The following APLP2 variants were observed in gnomAD, a reference collection of about 807,000 sequenced individuals.
APLP2 encodes the protein amyloid beta precursor like protein 2.
In APLP2, 53 loss-of-function variants were observed where a neutral mutation model predicts 89.9. The observed-to-expected ratio is 0.59, with a 90% CI of 0.47 to 0.74. The LOEUF is 0.74. Ranked by LOEUF, APLP2 falls within the 30% of genes least tolerant of loss-of-function variation. The pLI, the probability that APLP2 is intolerant of heterozygous loss-of-function variation, is 0.00. For missense variants in APLP2, 973 were observed against 975.9 expected, an observed-to-expected ratio of 1.00 and a Z score of 0.04; for synonymous variants, 372 against 348.6, an observed-to-expected ratio of 1.07 and a Z score of -0.75.
chr11:130,111,332 A>G (rs948418178), intron 3 of APLP2, among the ~76,000 whole-genome samples: 4 of 152,128 alleles, frequency 2.6e-5, no homozygotes, highest in Non-Finnish European at 4.4e-5. Context: ...ACACTCACAT[A>G]TCTGTGGTCT....
intron 13 of APLP2, 108 bp downstream of exon 13, chr11:130,135,823 CGA>C: frequency 7.3e-7 from 1 of 1,367,470 alleles, no homozygotes; most frequent in Non-Finnish European, 1.0e-6. Context: ...GGTGTTCCTG[CGA>C]GAGTCAGGGG....
intron 3 of APLP2, among the ~76,000 whole-genome samples, chr11:130,119,620 G>A (rs542044637): frequency 7.9e-5 from 12 of 152,192 alleles, no homozygotes; most frequent in African/African-American, 2.9e-4. Context: ...TCTTTCTCCC[G>A]ACTTTTTGGG....
chr11:130,108,460 C>T (rs1948096292), intron 1 of APLP2: 2 of 152,350 alleles, frequency 1.3e-5, no homozygotes, highest in African/African-American at 2.4e-5. Context: ...AAGAAATGCT[C>T]ATCATCACTG....
chr11:130,082,261 A>G (rs756972557), intron 1 of APLP2, among the ~76,000 whole-genome samples: 7 of 151,704 alleles, frequency 4.6e-5, no homozygotes, highest in Non-Finnish European at 1.0e-4. Flanking sequence ...TTGGCTCACT[A>G]CAACCTCTGC....
At chr11:130,094,114 G>T (rs956104776) in intron 1 of APLP2, among the ~76,000 whole-genome samples, 2 of 149,130 alleles carry the variant, frequency 1.3e-5, no homozygotes. Context: ...AGTGCAATGG[G>T]GCGATCTTGG....
rs546387152 is a variant in APLP2, at chr11:130,129,985, C to T, written c.1456-53C>T. On this transcript the variant is annotated intron_variant, in intron 10 of 16. Transcript: ENST00000338167. ...ACTTTTTAAGCTTTTGTTTTCCTGC[C>T]TATTTTCAATTCTCTAGTCTCTGGA... 1.4e-5 allele frequency: 22 copies of T among 1,581,316 alleles called. No homozygotes were observed. In the African/African-American group the frequency reaches 1.9e-4, roughly 14 times the overall value.
intron 4 of APLP2, among the ~76,000 whole-genome samples, chr11:130,121,062 G>T (rs1448292232): frequency 6.6e-6 from 1 of 152,214 alleles, no homozygotes; most frequent in African/African-American, 2.4e-5. Context: ...GGCTGAGCGA[G>T]AATACTGTAT....
rs1016805200 is a variant in APLP2, at chr11:130,123,897, C to T, written c.1090+118C>T. 52 of 1,130,896 alleles carry T rather than the reference C, an allele frequency of 4.6e-5. No individual in the cohort carries two copies. Among genetic ancestry groups the T allele is most frequent in the South Asian group, 1.3e-4 (9 of 68,868 alleles). 70.1% of individuals were successfully genotyped at this position (1,130,896 alleles called of 1,614,324 possible). On this transcript the variant is annotated intron_variant, in intron 7 of 16. Transcript: ENST00000338167. The surrounding 1 kb of genome is among the most constrained non-coding windows in gnomAD (Gnocchi z 4.0). Reference sequence around the variant, plus strand: ...CCCTGCCCACTCGGGTGTTTGCTGTCGGTCGTCTTCCCCTCATCTTTGTGC... The same window carrying T: ...CCCTGCCCACTCGGGTGTTTGCTGTTGGTCGTCTTCCCCTCATCTTTGTGC...
intron 3 of APLP2, among the ~76,000 whole-genome samples, chr11:130,116,840 T>C (rs969297596): frequency 6.6e-6 from 1 of 152,072 alleles, no homozygotes; most frequent in Admixed American, 6.5e-5. Context: ...TATATATATA[T>C]ATTTTTAGGC....
At position 130,141,319 on chromosome 11, in the gene APLP2, T is replaced by G; in HGVS notation, c.1924-179T>G. The G allele has an allele frequency of 1.7e-6, 1 of 603,946 alleles. No individual in the cohort carries two copies. Among genetic ancestry groups the G allele is most frequent in the Non-Finnish European group, 3.0e-6 (1 of 336,986 alleles). 37.4% of individuals were successfully genotyped at this position (603,946 alleles called of 1,614,324 possible). On this transcript the variant is annotated intron_variant, in intron 14 of 16. Coordinates refer to ENST00000338167, the MANE Select transcript of APLP2 (RefSeq NM_001142276.2). The surrounding 1 kb of genome is among the most constrained non-coding windows in gnomAD (Gnocchi z 4.2). ...ATAGTCTTCCCTCCATACCTGCCCC[T>G]TCATTAGGGGTTTGGGGAGTGGATT...
At chr11:130,093,064 G>A (rs1030040928) in intron 1 of APLP2, among the ~76,000 whole-genome samples, 1 of 152,156 alleles carries the variant, frequency 6.6e-6, no homozygotes, top group African/African-American at 2.4e-5. Context: ...AAAGACTTGA[G>A]GTTTACTTGG....
intron 1 of APLP2, among the ~76,000 whole-genome samples, chr11:130,102,422 G>C (rs977442772): frequency 6.6e-6 from 1 of 152,162 alleles, no homozygotes; most frequent in Non-Finnish European, 1.5e-5. Context: ...TTGAATACTC[G>C]TGTGTCTCAT....
At position 130,141,678 on chromosome 11, in the gene APLP2, A is replaced by C. The variant is rs1952411795; in HGVS notation, c.1998+106A>C. 1 of 1,034,060 alleles carries C rather than the reference A, an allele frequency of 9.7e-7. No individual in the cohort carries two copies. Among genetic ancestry groups the C allele is most frequent in the Non-Finnish European group, 1.4e-6 (1 of 693,068 alleles). The allele number at this position is 1,034,060 out of a possible 1,614,324, so 64.1% of individuals were successfully genotyped here. On this transcript the variant is annotated intron_variant, in intron 15 of 16. Transcript: ENST00000338167. The surrounding 1 kb of genome is among the most constrained non-coding windows in gnomAD (Gnocchi z 4.2). ...AACGGGAGAGATGCCTGAGCTAATA[A>C]GGGTCCCTCATCCCCAGCTTTCCGT...
Position 130,135,637 on chromosome 11 carries a change from C to T in APLP2, c.1759C>T (p.Arg587Trp), listed in dbSNP as rs201584296. Residue 587 changes from arginine (R) to tryptophan (W), a missense_variant, in exon 13 of 17, where the codon CGG becomes TGG. Physicochemically the swap from Arg to Trp is moderately radical, Grantham distance 101 (BLOSUM62 -3). Transcript: ENST00000338167. The part of the protein sequence containing the change: ...ASISETPVDV[R>W]VSSEESEEIP... ...AATCTCAGAGACCCCTGTGGACGTC[C>T]GGGTGAGCTCTGAGGAGAGTGAGGA... 57 of 1,614,024 alleles carry T rather than the reference C, an allele frequency of 3.5e-5. No homozygotes were observed. Among genetic ancestry groups the T allele is most frequent in the Middle Eastern group, 1.6e-4 (1 of 6,084 alleles).
chr11:130,081,174 A>G (rs184321699), intron 1 of APLP2, among the ~76,000 whole-genome samples: 14 of 152,220 alleles, frequency 9.2e-5, no homozygotes, highest in Admixed American at 5.9e-4. Flanking sequence ...CATTTAACAT[A>G]TTGAATAATT....
chr11:130,073,649 T>A (rs1941562264), intron 1 of APLP2, among the ~76,000 whole-genome samples: 1 of 152,180 alleles, frequency 6.6e-6, no homozygotes, highest in Non-Finnish European at 1.5e-5. Flanking sequence ...GAGACCAGCC[T>A]GAGCAACATG....
chr11:130,089,771 G>A (rs546710538), intron 1 of APLP2, among the ~76,000 whole-genome samples: 4 of 152,242 alleles, frequency 2.6e-5, no homozygotes, highest in Non-Finnish European at 4.4e-5. Flanking sequence ...TCCAGGCCTC[G>A]CTCTTGGCTT....
At chr11:130,084,937 GAC>G (rs573581724) in intron 1 of APLP2, among the ~76,000 whole-genome samples, 65 of 152,114 alleles carry the variant, frequency 4.3e-4, no homozygotes, top group African/African-American at 1.5e-3. Flanking sequence ...AAAAACAGAA[GAC>G]ACAAAATCAG....
Position 130,141,417 on chromosome 11 carries a change from G to T in APLP2, c.1924-81G>T. 1 of 1,147,706 alleles carries T rather than the reference G, an allele frequency of 8.7e-7. No individual in the cohort carries two copies. The highest frequency in any genetic ancestry group is 1.3e-6 in the Non-Finnish European group (1 of 764,208). 71.1% of individuals were successfully genotyped at this position (1,147,706 alleles called of 1,614,324 possible). On this transcript the variant is annotated intron_variant, in intron 14 of 16. Coordinates refer to ENST00000338167, the MANE Select transcript of APLP2 (RefSeq NM_001142276.2). The surrounding 1 kb of genome is among the most constrained non-coding windows in gnomAD (Gnocchi z 4.2). Reference sequence around the variant, plus strand: ...CCTGCTTCCTTCCATCAAGCAGCAGGTAGCAGAGGAAGGAGGCAGTAAATA... The same window carrying T: ...CCTGCTTCCTTCCATCAAGCAGCAGTTAGCAGAGGAAGGAGGCAGTAAATA...
Sources: allele counts gnomAD v4.1 joint callset (sites outside exome capture counted in the v4.1 genomes callset), GRCh38; gene constraint gnomAD v4.1.1; non-coding constraint Gnocchi (gnomAD v3.1); transcripts MANE v1.5; gene names NCBI Gene and HGNC (gene_info 2026-07-23, HGNC 2026-07-21).